Variants in FAT3 observed in about 807,000 individuals in gnomAD.
FAT3 encodes protocadherin Fat 3.
A neutral mutation model predicts 310.2 loss-of-function variants in FAT3; 95 were observed. The ratio of observed to expected loss-of-function variants is 0.31; its 90% CI spans 0.26 to 0.36. The LOEUF (loss-of-function observed/expected upper bound fraction) is 0.36, where lower values mean the gene tolerates loss of function less well. Among genes scored for constraint, FAT3 ranks in the 10% least tolerant of loss-of-function variants. FAT3 has a pLI of 1.00. For missense variants in FAT3, 5,408 were observed against 5,715.6 expected (o/e 0.95, Z 1.74); for synonymous variants, 2,314 against 2,192.9 (o/e 1.06, Z -1.54).
chr11:92,307,785 A>G (rs912404077), intron 1 of FAT3, among the ~76,000 whole-genome samples: 3 of 152,146 alleles, frequency 2.0e-5, no homozygotes, highest in Non-Finnish European at 4.4e-5. Context: ...CCTGTCACTT[A>G]TTAATTTTAT....
In FAT3 at chr11:92,293,546, ATATATAAAT is replaced by A. The variant is rs1158897629; in HGVS notation, c.-17-58549_-17-58541del. ...TATATATATATATATATATATATAT[ATATATAAAT>A]AAAATATATTCCTTCCAATTTCAAT... On this transcript the variant is annotated intron_variant, in intron 1 of 27. Coordinates refer to ENST00000525166, the MANE Select transcript of FAT3 (RefSeq NM_001367949.2). Among the ~76,000 whole-genome samples the A allele has an allele frequency of 9.0e-4, 16 of 17,874 alleles. 1 individual carries two copies. The highest frequency in any genetic ancestry group is 1.7e-3 in the African/African-American group (9 of 5,162). 11.7% of individuals were successfully genotyped at this position (17,874 alleles called of 152,430 possible). A position where few individuals can be genotyped will look rare whatever the true frequency, so the allele number is the denominator to read the frequency against.
intron 3 of FAT3, among the ~76,000 whole-genome samples, chr11:92,601,626 C>T (rs771875935): frequency 2.6e-5 from 4 of 151,788 alleles, no homozygotes; most frequent in Non-Finnish European, 4.4e-5. Flanking sequence ...ACAAGGCATG[C>T]GTGTGGTAGG....
At chr11:92,830,981 C>T (rs562167598) in intron 13 of FAT3, among the ~76,000 whole-genome samples, 5 of 152,178 alleles carry the variant, frequency 3.3e-5, no homozygotes, top group South Asian at 4.1e-4. Context: ...GCCAAGATCA[C>T]GTGCTTATGT....
At chr11:92,400,728 T>C (rs1419485973) in intron 2 of FAT3, 5 of 151,430 alleles carry the variant, frequency 3.3e-5, no homozygotes. Context: ...GAGATAAATA[T>C]CAAAATTAAA....
chr11:92,330,999 TGTGTGAGAGAGA>T (rs758900373), intron 1 of FAT3, among the ~76,000 whole-genome samples: 45 of 117,950 alleles, frequency 3.8e-4, no homozygotes, highest in African/African-American at 2.3e-3. Context: ...TGTGTGTGTG[TGTGTGAGAGAGA>T]GAGAGAGAGA....
At chr11:92,725,721 A>T (rs1944979066) in intron 4 of FAT3, among the ~76,000 whole-genome samples, 1 of 152,190 alleles carries the variant, frequency 6.6e-6, no homozygotes, top group Non-Finnish European at 1.5e-5. Context: ...TCTTAGAAGC[A>T]TACTAACATC....
At chr11:92,479,902 T>C (rs778403333) in intron 2 of FAT3, among the ~76,000 whole-genome samples, 1 of 152,070 alleles carries the variant, frequency 6.6e-6, no homozygotes, top group Non-Finnish European at 1.5e-5. Context: ...GGGTGTCATG[T>C]GGTCAGCCAA....
chr11:92,364,853 A>G (rs1471852540), intron 2 of FAT3, among the ~76,000 whole-genome samples: 1 of 152,226 alleles, frequency 6.6e-6, no homozygotes, highest in African/African-American at 2.4e-5. Flanking sequence ...TGCATAACAT[A>G]GTTAATATTC....
chr11:92,556,544 G>A (rs1591444939), intron 3 of FAT3, among the ~76,000 whole-genome samples: 2 of 152,076 alleles, frequency 1.3e-5, no homozygotes, highest in South Asian at 2.1e-4. Context: ...GAAAAGCTGT[G>A]GTGATTTGTT....
intron 3 of FAT3, among the ~76,000 whole-genome samples, chr11:92,525,565 C>T (rs1473485851): frequency 6.6e-6 from 1 of 152,020 alleles, no homozygotes; most frequent in African/African-American, 2.4e-5. Flanking sequence ...AGCAGGTGTG[C>T]ATTTGGCTGA....
chr11:92,764,233 T>C (rs549600878), intron 5 of FAT3, among the ~76,000 whole-genome samples: 2 of 152,164 alleles, frequency 1.3e-5, no homozygotes, highest in South Asian at 2.1e-4. Flanking sequence ...CCAGGGACTG[T>C]GCTATCGAGA....
At chr11:92,259,142 G>T (rs938545118) in intron 1 of FAT3, among the ~76,000 whole-genome samples, 5 of 151,990 alleles carry the variant, frequency 3.3e-5, no homozygotes, top group African/African-American at 1.2e-4. Context: ...GCATGCTCCT[G>T]CATCTGTAAA....
At chr11:92,403,637 A>G (rs1324225979) in intron 2 of FAT3, among the ~76,000 whole-genome samples, 1 of 152,234 alleles carries the variant, frequency 6.6e-6, no homozygotes, top group East Asian at 1.9e-4. Context: ...GTTCTAGGCC[A>G]GGACAACTGC....
At chr11:92,578,574 C>T (rs1894028) in intron 3 of FAT3, among the ~76,000 whole-genome samples, 112,777 of 152,054 alleles carry the variant, frequency 0.74, 44,089 homozygotes, top group Non-Finnish European at 0.88. Context: ...CCAAAAAGAT[C>T]TCCCTTTTGA....
At chr11:92,660,779 T>C (rs1260761076) in intron 3 of FAT3, among the ~76,000 whole-genome samples, 2 of 152,080 alleles carry the variant, frequency 1.3e-5, no homozygotes, top group African/African-American at 4.8e-5. Context: ...AACCACAGAG[T>C]CAGCCATTAC....
intron 1 of FAT3, among the ~76,000 whole-genome samples, chr11:92,329,521 T>G (rs888341199): frequency 3.3e-5 from 5 of 151,744 alleles, no homozygotes; most frequent in African/African-American, 1.2e-4. Flanking sequence ...CCAAATAAAC[T>G]TCTTTCCTTT....
At chr11:92,808,752 C>T (rs1428069738) in intron 12 of FAT3, among the ~76,000 whole-genome samples, 5 of 152,024 alleles carry the variant, frequency 3.3e-5, no homozygotes, top group East Asian at 1.9e-4. Flanking sequence ...AGTGAAACCC[C>T]GTCTCCACTA....
intron 2 of FAT3, among the ~76,000 whole-genome samples, chr11:92,513,297 T>C (rs1438843982): frequency 1.3e-5 from 2 of 152,168 alleles, no homozygotes; most frequent in African/African-American, 2.4e-5. Flanking sequence ...ATGCCCATTC[T>C]TCCTTAACTG....
chr11:92,400,883 TA>T (rs1223313925), intron 2 of FAT3, among the ~76,000 whole-genome samples: 4 of 152,030 alleles, frequency 2.6e-5, no homozygotes, highest in Non-Finnish European at 2.9e-5. Context: ...GAGAATACCA[TA>T]AAAACAATCT....
Sources: gnomAD v4.1 joint callset for allele counts (sites outside exome capture counted in the v4.1 genomes callset) on GRCh38, gnomAD v4.1.1 for gene constraint, MANE v1.5 for transcripts, NCBI Gene and HGNC (gene_info 2026-07-23, HGNC 2026-07-21) for gene names.